The following MICU1 variants were observed in gnomAD, a reference collection of about 807,000 sequenced individuals.
The protein encoded by MICU1 is calcium uptake protein 1, mitochondrial.
MICU1 carries 45 observed loss-of-function variants against 56.8 expected under a neutral mutation model. The observed-to-expected ratio is 0.79, with a 90% CI of 0.62 to 1.02. The LOEUF is 1.02. Among genes scored for constraint, MICU1 ranks in the 50% least tolerant of loss-of-function variants. The probability of loss-of-function intolerance (pLI) is 0.00; values close to 1 mark genes in which losing one functional copy is unlikely to be tolerated. For missense variants in MICU1, 504 were observed against 587.1 expected (o/e 0.86, Z 1.46); for synonymous variants, 186 against 195.1 (o/e 0.95, Z 0.39).
At chr10:72,411,715 C>A (rs1411636885) in intron 9 of MICU1, among the ~76,000 whole-genome samples, 1 of 152,090 alleles carries the variant, frequency 6.6e-6, no homozygotes, top group Non-Finnish European at 1.5e-5. Flanking sequence ...ATTCCTAAAA[C>A]AGTTAGGGCA....
chr10:72,592,911 T>C (rs1470202216), intron 1 of MICU1, among the ~76,000 whole-genome samples: 2 of 152,072 alleles, frequency 1.3e-5, no homozygotes, highest in African/African-American at 4.8e-5. Context: ...GCCTCCCAAG[T>C]ACCTGAAATT....
chr10:72,505,042 C>T (rs921484347), intron 6 of MICU1, among the ~76,000 whole-genome samples: 1 of 150,466 alleles, frequency 6.6e-6, no homozygotes, highest in Non-Finnish European at 1.5e-5. Flanking sequence ...AGTGTGATCT[C>T]GGCTCACTGC....
chr10:72,614,186 T>C (rs1014697851), intron 1 of MICU1, among the ~76,000 whole-genome samples: 1 of 151,956 alleles, frequency 6.6e-6, no homozygotes, highest in Non-Finnish European at 1.5e-5. Context: ...GTACCCATAC[T>C]CATTCAAATG....
intron 6 of MICU1, among the ~76,000 whole-genome samples, chr10:72,498,450 G>A (rs1261824209): frequency 6.6e-6 from 1 of 152,160 alleles, no homozygotes; most frequent in Non-Finnish European, 1.5e-5. Flanking sequence ...GCCAGGTGTG[G>A]TGATGCGTGC....
At chr10:72,606,971 G>A (rs1257249769) in intron 1 of MICU1, among the ~76,000 whole-genome samples, 1 of 152,172 alleles carries the variant, frequency 6.6e-6, no homozygotes, top group Admixed American at 6.6e-5. Context: ...TAAGGAGCCT[G>A]GCAGGTCCTT....
intron 5 of MICU1, among the ~76,000 whole-genome samples, chr10:72,515,726 T>C (rs1418465326): frequency 6.6e-6 from 1 of 152,160 alleles, no homozygotes; most frequent in Non-Finnish European, 1.5e-5. Context: ...AGTCCAACAT[T>C]TGTTACTTTT....
At chr10:72,412,371 T>A (rs1202458300) in intron 9 of MICU1, among the ~76,000 whole-genome samples, 1 of 152,222 alleles carries the variant, frequency 6.6e-6, no homozygotes, top group Non-Finnish European at 1.5e-5. Context: ...TGACTAATTG[T>A]TCAACAAACT....
intron 5 of MICU1, among the ~76,000 whole-genome samples, chr10:72,518,710 C>T (rs1589301100): frequency 6.6e-6 from 1 of 151,972 alleles, no homozygotes; most frequent in African/African-American, 2.4e-5. Flanking sequence ...TGAGATGGAG[C>T]CTCGCTCTGT....
At chr10:72,471,089 AAT>A (rs1295975427) in intron 8 of MICU1, among the ~76,000 whole-genome samples, 4 of 151,844 alleles carry the variant, frequency 2.6e-5, no homozygotes, top group Admixed American at 1.3e-4. Context: ...CATGCTACAC[AAT>A]ATGTTTTTTT....
intron 1 of MICU1, chr10:72,582,820 G>A (rs1212387063): frequency 1.3e-5 from 2 of 151,612 alleles, no homozygotes; most frequent in Admixed American, 6.6e-5. Flanking sequence ...ATTGTGGCAC[G>A]TGCCTGTAGT....
chr10:72,481,053 C>T (rs957551143), intron 6 of MICU1, among the ~76,000 whole-genome samples: 1 of 152,162 alleles, frequency 6.6e-6, no homozygotes, highest in African/African-American at 2.4e-5. Flanking sequence ...TGTGCTTGGG[C>T]CACTGCTGAG....
At chr10:72,389,779 T>C (rs375680203) in intron 10 of MICU1, among the ~76,000 whole-genome samples, 31 of 152,358 alleles carry the variant, frequency 2.0e-4, no homozygotes, top group East Asian at 7.7e-4. Flanking sequence ...CTGAGTTATA[T>C]GGGCTGAAGC....
chr10:72,371,354 T>G (rs150573101), intron 11 of MICU1, among the ~76,000 whole-genome samples: 6,998 of 129,280 alleles, frequency 0.054, 413 homozygotes, highest in African/African-American at 0.17. Flanking sequence ...ACCACTGCAC[T>G]CCAGCCTGGG....
chr10:72,567,407 T>C (rs866141362), intron 1 of MICU1, among the ~76,000 whole-genome samples: 2 of 151,824 alleles, frequency 1.3e-5, no homozygotes, highest in African/African-American at 2.4e-5. Context: ...ATAGCAGATA[T>C]AGGGAGCAGT....
chr10:72,478,322 G>A (rs2132275103), intron 6 of MICU1, among the ~76,000 whole-genome samples: 1 of 152,274 alleles, frequency 6.6e-6, no homozygotes, highest in East Asian at 1.9e-4. Flanking sequence ...GGCTTCTTTA[G>A]TGTTCCTAGA....
chr10:72,549,075 A>G (rs932024097), intron 4 of MICU1, among the ~76,000 whole-genome samples: 1 of 152,050 alleles, frequency 6.6e-6, no homozygotes, highest in Non-Finnish European at 1.5e-5. Context: ...TTTGACCTAG[A>G]GATATGTGAA....
intron 8 of MICU1, among the ~76,000 whole-genome samples, chr10:72,466,947 T>G (rs115874753): frequency 0.011 from 1,751 of 152,278 alleles, 38 homozygotes; most frequent in African/African-American, 0.041. Context: ...ATAATCTTTT[T>G]AAAAAGCTCC....
intron 5 of MICU1, chr10:72,523,892 A>G (rs2132389243): frequency 6.6e-7 from 1 of 1,515,616 alleles, no homozygotes; most frequent in South Asian, 1.3e-5. Flanking sequence ...GCTTTTCCAA[A>G]TTAAAGTCAT....
At chr10:72,441,642 A>T (rs374234706) in intron 8 of MICU1, among the ~76,000 whole-genome samples, 2 of 120,172 alleles carry the variant, frequency 1.7e-5, no homozygotes, top group South Asian at 5.5e-4. Context: ...TTTGAGGCAG[A>T]ACCTCACTCT....
Sources: gnomAD v4.1 joint callset for allele counts (sites outside exome capture counted in the v4.1 genomes callset) on GRCh38, gnomAD v4.1.1 for gene constraint, MANE v1.5 for transcripts, NCBI Gene and HGNC (gene_info 2026-07-23, HGNC 2026-07-21) for gene names.